The following UBE2K variants were observed in gnomAD, a reference collection of about 807,000 sequenced individuals.
The protein encoded by UBE2K is ubiquitin conjugating enzyme E2 K, also known as ubiquitin-conjugating enzyme E2 K.
UBE2K carries 6 observed loss-of-function variants against 30.0 expected under a neutral mutation model. That is an observed-to-expected ratio of 0.20 (90% CI 0.11 to 0.39). UBE2K has a LOEUF of 0.39. UBE2K is among the 10% of genes least tolerant of loss of function. The pLI, the probability that UBE2K is intolerant of heterozygous loss-of-function variation, is 1.00. For missense variants in UBE2K, 61 were observed against 241.6 expected, an observed-to-expected ratio of 0.25 and a Z score of 4.96; for synonymous variants, 86 against 83.7, an observed-to-expected ratio of 1.03 and a Z score of -0.15.
intron 1 of UBE2K, among the ~76,000 whole-genome samples, chr4:39,731,384 T>C (rs990289401): frequency 6.6e-6 from 1 of 152,096 alleles, no homozygotes; most frequent in Admixed American, 6.6e-5. Context: ...GGGACTGTTA[T>C]GTGCCATAAG....
intron 1 of UBE2K, among the ~76,000 whole-genome samples, chr4:39,728,420 A>C (rs1578444126): frequency 6.6e-6 from 1 of 152,160 alleles, no homozygotes; most frequent in Admixed American, 6.5e-5. Flanking sequence ...GGCAGCGGTG[A>C]GCTATGATTG....
intron 1 of UBE2K, among the ~76,000 whole-genome samples, chr4:39,735,443 T>C (rs986455402): frequency 3.3e-5 from 5 of 152,158 alleles, no homozygotes; most frequent in Non-Finnish European, 5.9e-5. Context: ...TGCAGTGGCG[T>C]GATCTCGGCT....
chr4:39,743,046 G>GAA (rs34032249), intron 2 of UBE2K, among the ~76,000 whole-genome samples: 3,009 of 134,240 alleles, frequency 0.022, 43 homozygotes, highest in Non-Finnish European at 0.035. Flanking sequence ...CCTGTCTCAG[G>GAA]AAAAAAAAAA....
intron 2 of UBE2K, among the ~76,000 whole-genome samples, chr4:39,740,349 A>G (rs1032630117): frequency 2.0e-5 from 3 of 152,054 alleles, no homozygotes; most frequent in Admixed American, 1.3e-4. Flanking sequence ...TTTTAATTGG[A>G]TAATGTATAC....
intron 4 of UBE2K, among the ~76,000 whole-genome samples, chr4:39,766,990 A>G (rs562568322): frequency 6.6e-6 from 1 of 152,214 alleles, no homozygotes; most frequent in Admixed American, 6.5e-5. Context: ...ACCTCAGGTG[A>G]TCCACCTGCC....
chr4:39,741,449 T>C (rs955293902), intron 2 of UBE2K, among the ~76,000 whole-genome samples: 4 of 152,226 alleles, frequency 2.6e-5, no homozygotes, highest in African/African-American at 4.8e-5. Context: ...ACATAAACTT[T>C]AATGCTTTTT....
chr4:39,753,987 A>T (rs1489117593), intron 3 of UBE2K, among the ~76,000 whole-genome samples: 2 of 152,088 alleles, frequency 1.3e-5, no homozygotes, highest in Non-Finnish European at 2.9e-5. Context: ...GCGCCACTGC[A>T]CTCCAGACTC....
intron 4 of UBE2K, chr4:39,771,114 G>C: frequency 6.2e-7 from 1 of 1,612,622 alleles, no homozygotes; most frequent in Non-Finnish European, 8.5e-7. Context: ...TCTGCAGGTA[G>C]GAGGTGGCTG....
At chr4:39,705,565 C>T (rs1026681291) in intron 1 of UBE2K, among the ~76,000 whole-genome samples, 5 of 151,908 alleles carry the variant, frequency 3.3e-5, no homozygotes, top group Non-Finnish European at 7.4e-5. Context: ...GACTATAGCC[C>T]CAAAAGGCTT....
intron 4 of UBE2K, chr4:39,770,070 C>T (rs543017619): frequency 2.7e-5 from 42 of 1,534,130 alleles, no homozygotes; most frequent in Non-Finnish European, 3.2e-5. Flanking sequence ...CGGGCCTCCA[C>T]GCCTGCGCGG....
intron 1 of UBE2K, among the ~76,000 whole-genome samples, chr4:39,706,953 C>T (rs941759548): frequency 3.9e-5 from 6 of 152,090 alleles, no homozygotes; most frequent in Non-Finnish European, 7.4e-5. Context: ...GTCACCCAGC[C>T]TGGAGTGCAG....
At chr4:39,755,872 AG>A in intron 4 of UBE2K, 133 bp downstream of exon 4, 1 of 599,142 alleles carries the variant, frequency 1.7e-6, no homozygotes, top group Non-Finnish European at 2.8e-6. Flanking sequence ...AAGTCTCTTA[AG>A]TGCATAACTG....
intron 4 of UBE2K, chr4:39,770,630 C>T: frequency 6.3e-7 from 1 of 1,599,160 alleles, no homozygotes; most frequent in East Asian, 2.2e-5. Flanking sequence ...CTTCTGCGTT[C>T]TCCGACAGGC....
chr4:39,711,083 T>C (rs1297172305), intron 1 of UBE2K, among the ~76,000 whole-genome samples: 1 of 151,874 alleles, frequency 6.6e-6, no homozygotes, highest in African/African-American at 2.4e-5. Context: ...TAAAATACTT[T>C]TTTGCTTTTT....
chr4:39,748,093 C>T (rs982830479), intron 3 of UBE2K, among the ~76,000 whole-genome samples: 1 of 152,222 alleles, frequency 6.6e-6, no homozygotes, highest in African/African-American at 2.4e-5. Flanking sequence ...AATTATGTCT[C>T]AGTAAAGGTG....
chr4:39,755,012 A>G (rs1012383205), intron 3 of UBE2K, among the ~76,000 whole-genome samples: 69 of 152,174 alleles, frequency 4.5e-4, no homozygotes, highest in Non-Finnish European at 9.6e-4. Flanking sequence ...TTCTTCCATA[A>G]TGAGACAAAT....
chr4:39,744,361 A>G (rs1353661759), intron 2 of UBE2K, among the ~76,000 whole-genome samples: 1 of 147,378 alleles, frequency 6.8e-6, no homozygotes. Context: ...TTTAGTAGAG[A>G]CGGGGTTTCA....
intron 1 of UBE2K, among the ~76,000 whole-genome samples, chr4:39,715,491 A>G (rs1719011366): frequency 6.6e-6 from 1 of 151,256 alleles, no homozygotes. Context: ...TATTTTTAGT[A>G]GAGATAGGGT....
chr4:39,745,873 A>C (rs918999018), intron 3 of UBE2K, 63 bp downstream of exon 3: 35 of 1,230,900 alleles, frequency 2.8e-5, no homozygotes, highest in Non-Finnish European at 4.0e-5. Flanking sequence ...ACCTCATTTT[A>C]TTAATATATA....
Sources: gnomAD v4.1 joint callset for allele counts (sites outside exome capture counted in the v4.1 genomes callset) on GRCh38, gnomAD v4.1.1 for gene constraint, MANE v1.5 for transcripts, NCBI Gene and HGNC (gene_info 2026-07-23, HGNC 2026-07-21) for gene names.